NPAT: variants seen among roughly 807,000 people sequenced by gnomAD.
The protein encoded by NPAT is nuclear protein, coactivator of histone transcription.
In NPAT, 52 loss-of-function variants were observed where a neutral mutation model predicts 130.7. The observed-to-expected ratio is 0.40, with a 90% CI of 0.32 to 0.50. The LOEUF is 0.50. NPAT is among the 20% of genes least tolerant of loss of function. The pLI is 0.68. For synonymous variants in NPAT, 580 were observed against 584.8 expected (o/e 0.99, Z 0.12); for missense variants, 1,687 against 1,662.6 (o/e 1.01, Z -0.26).
intron 1 of NPAT, among the ~76,000 whole-genome samples, chr11:108,203,546 GA>G (rs2078295334): frequency 6.6e-6 from 1 of 152,184 alleles, no homozygotes; most frequent in Admixed American, 6.5e-5. Context: ...GTACCAGTGT[GA>G]AAAAATCAGA....
Position 108,159,886 on chromosome 11 carries a change from C to T in NPAT, c.4207-867G>A, listed in dbSNP as rs560864254. Among the ~76,000 whole-genome samples the T allele has an allele frequency of 4.1e-3, 624 of 151,162 alleles. 7 individuals are homozygous for T. The highest frequency in any genetic ancestry group is 0.014 in the African/African-American group (575 of 41,246). On this transcript the variant is annotated intron_variant, in intron 17 of 17. Transcript: ENST00000278612. ...CAGAAAAAATGACCAGGCGTGGTGG[C>T]TCATGCCTGTAATCCCAGCATTCTG...
chr11:108,205,762 G>C (rs1256270072), intron 1 of NPAT, among the ~76,000 whole-genome samples: 1 of 152,192 alleles, frequency 6.6e-6, no homozygotes, highest in East Asian at 1.9e-4. Context: ...AGCAGTATAG[G>C]TTAGGTGCAG....
chr11:108,160,191 C>T (rs192106057), intron 17 of NPAT, among the ~76,000 whole-genome samples: 234 of 150,960 alleles, frequency 1.6e-3, no homozygotes, highest in African/African-American at 5.4e-3. Flanking sequence ...GATGCAGTGG[C>T]GCATGCCTGT....
In NPAT at chr11:108,158,048, T is replaced by A. The variant is rs544202100; in HGVS notation, c.*894A>T. 68 of 152,654 alleles carry A rather than the reference T, an allele frequency of 4.5e-4. No individual in the cohort carries two copies. The highest frequency in any genetic ancestry group is 1.5e-3 in the African/African-American group (64 of 41,584). The allele number at this position is 152,654 out of a possible 1,614,324, so 9.5% of individuals were successfully genotyped here. On this transcript the variant is annotated 3_prime_UTR_variant, in exon 18 of 18. Transcript: ENST00000278612. ...CAACACCAGAAGATAATCCTCCACATAAACTCTCACATAGAACACAAGATT... is the reference window on the plus strand; with the variant it reads ...CAACACCAGAAGATAATCCTCCACAAAAACTCTCACATAGAACACAAGATT...
intron 6 of NPAT, 75 bp downstream of exon 6, chr11:108,189,031 A>G: frequency 8.5e-7 from 1 of 1,179,086 alleles, no homozygotes; most frequent in East Asian, 2.4e-5. Flanking sequence ...CTATGAGTAT[A>G]AAGACATTAG....
intron 5 of NPAT, among the ~76,000 whole-genome samples, chr11:108,189,952 T>G (rs766233281): frequency 1.3e-5 from 2 of 151,268 alleles, no homozygotes; most frequent in Non-Finnish European, 1.5e-5. Context: ...ATGTGAAATG[T>G]AGGGAGTATT....
At chr11:108,217,448 T>C (rs763582886) in intron 1 of NPAT, among the ~76,000 whole-genome samples, 7 of 152,220 alleles carry the variant, frequency 4.6e-5, no homozygotes, top group Non-Finnish European at 8.8e-5. Flanking sequence ...GAAATTCTTG[T>C]ATATATCAGT....
chr11:108,210,089 A>G (rs1375525771), intron 1 of NPAT, among the ~76,000 whole-genome samples: 1 of 151,446 alleles, frequency 6.6e-6, no homozygotes, highest in African/African-American at 2.4e-5. Context: ...GAAAAAAAAA[A>G]GAGAATACTC....
Position 108,161,654 on chromosome 11 carries a change from A to C in NPAT, c.3432T>G (p.Thr1144=). 1 of 1,613,922 alleles carries C rather than the reference A, an allele frequency of 6.2e-7. No homozygotes were observed. The highest frequency in any genetic ancestry group is 8.5e-7 in the Non-Finnish European group (1 of 1,180,016). ...AISRHTTIRE[T]QSEKKVSPTE... is the part of the protein sequence containing the mutation. ...TTGGTGAAACTTTCTTTTCTGATTG[A>C]GTTTCTCTTATGGTGGTATGCCGGC... Residue 1144 remains threonine (T), a synonymous_variant, in exon 17 of 18, where the codon ACT becomes ACG. Coordinates refer to ENST00000278612, the MANE Select transcript of NPAT (RefSeq NM_002519.3).
intron 1 of NPAT, among the ~76,000 whole-genome samples, chr11:108,207,198 G>A (rs2078337080): frequency 6.6e-6 from 1 of 152,232 alleles, no homozygotes; most frequent in African/African-American, 2.4e-5. Flanking sequence ...CTGTGAGTCT[G>A]GCTGAGTCTG....
chr11:108,196,098 C>T lies in NPAT; in HGVS notation c.156+1204G>A, dbSNP rs376466946. Among the ~76,000 whole-genome samples, 44 of 152,280 alleles carry T rather than the reference C, an allele frequency of 2.9e-4. No individual in the cohort carries two copies. In the South Asian group the frequency reaches 7.9e-3, roughly 27 times the overall value. On this transcript the variant is annotated intron_variant, in intron 2 of 17. Coordinates refer to ENST00000278612, the MANE Select transcript of NPAT (RefSeq NM_002519.3). ...CTTATGTTTTCATTTAGAAGTCTTA[C>T]GGTCCTGTGTTTTACATTCTGATCC...
intron 10 of NPAT, among the ~76,000 whole-genome samples, chr11:108,182,045 A>G (rs2078063012): frequency 6.6e-6 from 1 of 152,166 alleles, no homozygotes; most frequent in South Asian, 2.1e-4. Flanking sequence ...CCCATCAGCA[A>G]TAAGAGACTG....
At chr11:108,169,439 G>A (rs751979368) in intron 15 of NPAT, among the ~76,000 whole-genome samples, 7 of 152,090 alleles carry the variant, frequency 4.6e-5, no homozygotes, top group Non-Finnish European at 7.4e-5. Context: ...AATTATACGA[G>A]GCATTCATTA....
chr11:108,193,947 G>C lies in NPAT; in HGVS notation c.217+10C>G. The C allele has an allele frequency of 6.5e-7, 1 of 1,528,338 alleles. No individual in the cohort carries two copies. Among genetic ancestry groups the C allele is most frequent in the Non-Finnish European group, 9.1e-7 (1 of 1,103,126 alleles). The allele number at this position is 1,528,338 out of a possible 1,614,324, so 94.7% of individuals were successfully genotyped here. A position where few individuals can be genotyped will look rare whatever the true frequency, so the allele number is the denominator to read the frequency against. ...ACATCAGCAAAAAAACTCCAAATCA[G>C]AACTCTTACCTTTTGTTTTCATAGC... On this transcript the variant is annotated intron_variant, in intron 3 of 17. Coordinates refer to ENST00000278612, the MANE Select transcript of NPAT (RefSeq NM_002519.3).
chr11:108,185,724 T>C (rs949061219), intron 8 of NPAT, among the ~76,000 whole-genome samples: 4 of 152,174 alleles, frequency 2.6e-5, no homozygotes, highest in African/African-American at 9.7e-5. Context: ...TCCACACTCA[T>C]CATCAAACCC....
intron 1 of NPAT, among the ~76,000 whole-genome samples, chr11:108,203,966 C>T (rs552047544): frequency 6.6e-6 from 1 of 152,318 alleles, no homozygotes; most frequent in Non-Finnish European, 1.5e-5. Context: ...GATCATTAAA[C>T]TCCATATGGT....
chr11:108,209,655 C>A (rs1433911897), intron 1 of NPAT, among the ~76,000 whole-genome samples: 3 of 152,006 alleles, frequency 2.0e-5, no homozygotes, highest in African/African-American at 7.3e-5. Context: ...TTTGGGAGGC[C>A]AAGGCAGGCA....
chr11:108,190,501 C>T lies in NPAT; in HGVS notation c.291-1G>A. 6.2e-7 allele frequency: 1 copy of T among 1,613,480 alleles called. No individual in the cohort carries two copies. Among genetic ancestry groups the T allele is most frequent in the East Asian group, 2.2e-5 (1 of 44,868 alleles). On this transcript the variant is annotated splice_acceptor_variant, in intron 4 of 17. Coordinates refer to ENST00000278612, the MANE Select transcript of NPAT (RefSeq NM_002519.3). LOFTEE classifies it high-confidence loss of function. ...AAACCTTGGGGAACTTTGCATGCTC[C>T]TAACAAAGAAAACAAAGTAGTTATC... is the stretch of plus-strand genomic sequence containing the variant.
At chr11:108,204,678 C>A (rs2078309319) in intron 1 of NPAT, among the ~76,000 whole-genome samples, 2 of 152,220 alleles carry the variant, frequency 1.3e-5, no homozygotes, top group South Asian at 4.1e-4. Context: ...CCAAGCAGGC[C>A]CAGGAGCCGC....
Sources: gnomAD v4.1 joint callset for allele counts (sites outside exome capture counted in the v4.1 genomes callset) on GRCh38, gnomAD v4.1.1 for gene constraint, MANE v1.5 for transcripts, NCBI Gene and HGNC (gene_info 2026-07-23, HGNC 2026-07-21) for gene names.